The following EVA1A variants were observed in gnomAD, a reference collection of about 807,000 sequenced individuals.
EVA1A encodes the protein eva-1 homolog A, regulator of programmed cell death.
Under a neutral mutation model 9.8 loss-of-function variants are expected in EVA1A, and 7 were observed. The observed-to-expected ratio is 0.71, with a 90% CI of 0.41 to 1.34. The LOEUF (loss-of-function observed/expected upper bound fraction) is 1.34. Among genes scored for constraint, EVA1A ranks in the 40% most tolerant of loss-of-function variants. The pLI, the probability that EVA1A is intolerant of heterozygous loss-of-function variation, is 0.01. For synonymous variants in EVA1A, 90 were observed against 85.6 expected (o/e 1.05, Z -0.28); for missense variants, 206 against 205.9 (o/e 1.00, Z 0.00).
intron 1 of EVA1A, among the ~76,000 whole-genome samples, chr2:75,533,689 C>T (rs901395016): frequency 5.3e-5 from 8 of 151,876 alleles, no homozygotes; most frequent in Non-Finnish European, 1.0e-4. Flanking sequence ...GTAATCCCAG[C>T]GATTTGGGAG....
intron 3 of EVA1A, among the ~76,000 whole-genome samples, chr2:75,508,292 C>A (rs11886932): frequency 0.36 from 54,235 of 152,004 alleles, 9,845 homozygotes; most frequent in Admixed American, 0.39. Flanking sequence ...CCGGGCAGAA[C>A]AGAGCCATAT....
intron 3 of EVA1A, among the ~76,000 whole-genome samples, chr2:75,505,016 C>A (rs1674564277): frequency 6.6e-6 from 1 of 152,136 alleles, no homozygotes. Context: ...AATAGGCAAC[C>A]CACAAGGAAG....
chr2:75,533,293 C>A (rs559940896), intron 1 of EVA1A, among the ~76,000 whole-genome samples: 23 of 152,026 alleles, frequency 1.5e-4, no homozygotes, highest in African/African-American at 5.1e-4. Flanking sequence ...CATTGGAAAC[C>A]ATGGAAGTCA....
rs184570604 is a variant in EVA1A at position 75,531,572 on chromosome 2, T to C, written c.-191-9085A>G. Reference sequence around the variant, plus strand: ...TAATATTCTATATATGATGGAATACTACTCAGCCATAAAAAGGAAAGAAAT... The same window carrying C: ...TAATATTCTATATATGATGGAATACCACTCAGCCATAAAAAGGAAAGAAAT... On this transcript the variant is annotated intron_variant, in intron 1 of 3. Coordinates refer to ENST00000393913, the MANE Select transcript of EVA1A (RefSeq NM_001135032.2). Among the ~76,000 whole-genome samples, 22 of 152,108 alleles carry C rather than the reference T, an allele frequency of 1.4e-4. No homozygotes were observed. The East Asian group carries it at 4.2e-3, about 29-fold the overall frequency.
intron 3 of EVA1A, among the ~76,000 whole-genome samples, chr2:75,502,029 CGACAGAGAAACAGTACATCAGTTACACTT>C (rs1674445666): frequency 6.6e-6 from 1 of 152,186 alleles, no homozygotes. Context: ...AAAGATGACA[CGACAGAGAAACAGTACATCAGTTACACTT>C]GCTTTATTGC....
intron 1 of EVA1A, among the ~76,000 whole-genome samples, chr2:75,552,857 A>G (rs1159649847): frequency 2.0e-5 from 3 of 152,200 alleles, no homozygotes; most frequent in African/African-American, 4.8e-5. Flanking sequence ...CCTAAACTGC[A>G]ATAACATGCT....
intron 1 of EVA1A, among the ~76,000 whole-genome samples, chr2:75,552,163 G>C (rs144616397): frequency 6.7e-6 from 1 of 149,746 alleles, no homozygotes; most frequent in East Asian, 2.0e-4. Flanking sequence ...TGCCAGCGTG[G>C]TCACAAAGTG....
chr2:75,544,250 C>G (rs1470538086), intron 1 of EVA1A, among the ~76,000 whole-genome samples: 2 of 152,150 alleles, frequency 1.3e-5, no homozygotes, highest in Non-Finnish European at 2.9e-5. Flanking sequence ...TCACCCTGGC[C>G]CCCTAGCGCC....
intron 3 of EVA1A, among the ~76,000 whole-genome samples, chr2:75,498,670 T>C (rs922750110): frequency 7.9e-5 from 12 of 152,204 alleles, no homozygotes; most frequent in Non-Finnish European, 1.2e-4. Context: ...AACAATTAGC[T>C]TAATGTCTCA....
intron 1 of EVA1A, among the ~76,000 whole-genome samples, chr2:75,533,049 T>TGAGAGGATCACTTGAGCCTAGGAGATC (rs1254020762): frequency 6.7e-6 from 1 of 149,742 alleles, no homozygotes; most frequent in African/African-American, 2.5e-5. Flanking sequence ...GAGGCTGAGG[T>TGAGAGGATCACTTGAGCCTAGGAGATC]GAGAGGATCA....
At chr2:75,541,069 T>C (rs551804096) in intron 1 of EVA1A, among the ~76,000 whole-genome samples, 16 of 152,150 alleles carry the variant, frequency 1.1e-4, no homozygotes, top group Non-Finnish European at 2.2e-4. Flanking sequence ...TGATATTGAA[T>C]GTGAAGTAGG....
intron 1 of EVA1A, among the ~76,000 whole-genome samples, chr2:75,531,285 C>T (rs188307063): frequency 6.6e-6 from 1 of 152,278 alleles, no homozygotes; most frequent in Admixed American, 6.5e-5. Flanking sequence ...GAAAAGAGAA[C>T]ATTTTTACAC....
rs768927390 is a variant in EVA1A at position 75,527,447 on chromosome 2, G to C, written c.-191-4960C>G. On this transcript the variant is annotated intron_variant, in intron 1 of 3. Coordinates refer to ENST00000393913, the MANE Select transcript of EVA1A (RefSeq NM_001135032.2). ...CCTCCCCCTCTCCACTGGGGTGTCA[G>C]AGGCAGCCTAGTCAGGACTCTCATC... Among the ~76,000 whole-genome samples the C allele has an allele frequency of 1.2e-4, 18 of 152,304 alleles. 1 individual carries two copies. The highest frequency in any genetic ancestry group is 6.8e-3 in the Middle Eastern group (2 of 294).
At position 75,502,145 on chromosome 2, in the gene EVA1A, C is replaced by A. The variant is rs1558671216; in HGVS notation, c.86-8536G>T. Among the ~76,000 whole-genome samples, 3 of 152,254 alleles carry A rather than the reference C, an allele frequency of 2.0e-5. No homozygotes were observed. The South Asian group carries it at 6.2e-4, about 32-fold the overall frequency. On this transcript the variant is annotated intron_variant, in intron 3 of 3. Transcript: ENST00000393913. Reference sequence around the variant, plus strand: ...TTAAAAGAACTTAATTTAACCAATCCATGTTAGTAGGTTAGAAATAAATTT... The same window carrying A: ...TTAAAAGAACTTAATTTAACCAATCAATGTTAGTAGGTTAGAAATAAATTT...
At chr2:75,529,337 C>A (rs569213799) in intron 1 of EVA1A, among the ~76,000 whole-genome samples, 3 of 152,192 alleles carry the variant, frequency 2.0e-5, no homozygotes, top group African/African-American at 4.8e-5. Flanking sequence ...CTAGACAGGT[C>A]ATCAAGACAG....
chr2:75,503,206 C>T (rs1359012050), intron 3 of EVA1A, among the ~76,000 whole-genome samples: 1 of 152,162 alleles, frequency 6.6e-6, no homozygotes, highest in East Asian at 1.9e-4. Context: ...GCCTCTTCAT[C>T]CTTTTCCCAC....
chr2:75,507,896 G>C (rs1674673610), intron 3 of EVA1A, among the ~76,000 whole-genome samples: 1 of 152,312 alleles, frequency 6.6e-6, no homozygotes, highest in Non-Finnish European at 1.5e-5. Flanking sequence ...TAAACGGAAG[G>C]ACCAGCTGAA....
intron 3 of EVA1A, among the ~76,000 whole-genome samples, chr2:75,495,017 C>T (rs143742361): frequency 4.2e-3 from 643 of 152,146 alleles, no homozygotes; most frequent in African/African-American, 0.015. Flanking sequence ...TAGGTACCTA[C>T]GAGGACAAAG....
intron 1 of EVA1A, among the ~76,000 whole-genome samples, chr2:75,553,996 C>G (rs115720940): frequency 6.6e-6 from 1 of 152,178 alleles, no homozygotes; most frequent in East Asian, 1.9e-4. Context: ...AATGCTTCTT[C>G]CAGTAACAGG....
Sources: allele counts gnomAD v4.1 joint callset (sites outside exome capture counted in the v4.1 genomes callset), GRCh38; gene constraint gnomAD v4.1.1; transcripts MANE v1.5; gene names NCBI Gene and HGNC (gene_info 2026-07-23, HGNC 2026-07-21).